VPS35L: variants seen among roughly 807,000 people sequenced by gnomAD.
VPS35L encodes the protein VPS35 endosomal protein sorting factor like, also known as VPS35 endosomal protein-sorting factor-like.
A neutral mutation model predicts 133.0 loss-of-function variants in VPS35L; 83 were observed. The observed-to-expected ratio is 0.62, with a 90% confidence interval of 0.52 to 0.75. The LOEUF is 0.75. VPS35L is among the 30% of genes least tolerant of loss of function. The probability of loss-of-function intolerance (pLI) is 0.00; values close to 1 mark genes in which losing one functional copy is unlikely to be tolerated. For missense variants in VPS35L, 1,083 were observed against 1,206.8 expected (o/e 0.90, Z 1.52); for synonymous variants, 423 against 449.9 (o/e 0.94, Z 0.76).
chr16:19,622,063 T>TGGAA (rs1408648123), intron 14 of VPS35L, among the ~76,000 whole-genome samples: 2 of 151,274 alleles, frequency 1.3e-5, no homozygotes, highest in East Asian at 3.9e-4. Context: ...CATCTTACCC[T>TGGAA]CAGTGTCTGG....
At chr16:19,583,154 TACTTA>T (rs1478951130) in intron 7 of VPS35L, among the ~76,000 whole-genome samples, 2 of 150,580 alleles carry the variant, frequency 1.3e-5, no homozygotes, top group East Asian at 1.9e-4. Context: ...GATTTTTTTT[TACTTA>T]ACTTATAGAG....
intron 23 of VPS35L, 63 bp from the exon 24 acceptor site, chr16:19,647,721 A>C: frequency 8.0e-7 from 1 of 1,254,204 alleles, no homozygotes; most frequent in African/African-American, 1.5e-5. Context: ...CAGTCATACC[A>C]TGTGCCTGCG....
chr16:19,556,577 C>G (rs940659698), intron 1 of VPS35L, among the ~76,000 whole-genome samples: 23 of 152,182 alleles, frequency 1.5e-4, no homozygotes, highest in African/African-American at 5.6e-4. Flanking sequence ...CGGGGAATCT[C>G]TCCTGCATCT....
chr16:19,576,199 A>G (rs1971533488), intron 5 of VPS35L, among the ~76,000 whole-genome samples: 2 of 150,476 alleles, frequency 1.3e-5, no homozygotes, highest in Admixed American at 6.6e-5. Flanking sequence ...AAAAACAAAG[A>G]GGTTACTAGG....
chr16:19,613,084 T>C (rs908065278), intron 12 of VPS35L, among the ~76,000 whole-genome samples: 1 of 152,152 alleles, frequency 6.6e-6, no homozygotes, highest in Admixed American at 6.5e-5. Context: ...GCAGATCACT[T>C]GAGGTCAGGA....
In VPS35L at chr16:19,641,619, A is replaced by C. The variant is rs559859435; in HGVS notation, c.1785-777A>C. Among the ~76,000 whole-genome samples the C allele has an allele frequency of 2.0e-5, 3 of 152,290 alleles. No individual in the cohort carries two copies. In the South Asian group the frequency reaches 6.2e-4, roughly 32 times the overall value. On this transcript the variant is annotated intron_variant, in intron 21 of 30. Transcript: ENST00000417362. ...TTCCTAAGGATTAATATTAATTCCT[A>C]ATTAATATGCTTGGAATAAATATAC... is the stretch of plus-strand genomic sequence containing the variant.
chr16:19,591,805 T>G lies in VPS35L; in HGVS notation c.655T>G (p.Ser219Ala). ...KIVIQCSKLLSDTSVIQFYPS... is the reference protein window; with the variant it reads ...KIVIQCSKLLADTSVIQFYPS... ...CTTTTTTTAGTGTTCAAAGCTTCTT[T>G]CAGACACCAGTGTTATTCAGTTCTA... The change falls in exon 8 of 31, where the codon TCA becomes GCA. Residue 219 changes from serine (S) to alanine (A), a missense_variant. Transcript: ENST00000417362. 6.2e-7 allele frequency: 1 copy of G among 1,612,740 alleles called. No individual in the cohort carries two copies. Among genetic ancestry groups the G allele is most frequent in the Non-Finnish European group, 8.5e-7 (1 of 1,178,864 alleles).
intron 9 of VPS35L, among the ~76,000 whole-genome samples, chr16:19,603,549 TC>T (rs1347486578): frequency 6.6e-6 from 1 of 152,160 alleles, no homozygotes; most frequent in African/African-American, 2.4e-5. Context: ...ATGTGGTTTT[TC>T]TTTGGGACCC....
At chr16:19,611,769 T>C (rs1307188102) in intron 12 of VPS35L, 1 of 151,712 alleles carries the variant, frequency 6.6e-6, no homozygotes, top group Non-Finnish European at 1.5e-5. Flanking sequence ...GCTTGAAACC[T>C]GGGGGGGATT....
At chr16:19,665,506 C>T (rs1164434729) in intron 26 of VPS35L, among the ~76,000 whole-genome samples, 1 of 152,210 alleles carries the variant, frequency 6.6e-6, no homozygotes, top group Non-Finnish European at 1.5e-5. Context: ...TTGCAAATGA[C>T]AGAATCTCCT....
At chr16:19,612,478 T>C (rs1033936132) in intron 12 of VPS35L, among the ~76,000 whole-genome samples, 6 of 152,174 alleles carry the variant, frequency 3.9e-5, no homozygotes, top group African/African-American at 1.4e-4. Context: ...GGTCTTGAAC[T>C]CCTCACTTCA....
In VPS35L at chr16:19,700,781, G is replaced by T. The variant is rs78060127; in HGVS notation, c.*305G>T. The T allele has an allele frequency of 5.7e-4, 179 of 311,566 alleles. 3 individuals are homozygous for T. The East Asian group carries it at 9.6e-3, about 17-fold the overall frequency. The allele number at this position is 311,566 out of a possible 1,614,324, so 19.3% of individuals were successfully genotyped here. ...TAGCAAGAGAGAAACAAGAATGCAA[G>T]TAACATCTTTCTTCTCTGGAAGGTG... On this transcript the variant is annotated 3_prime_UTR_variant, in exon 31 of 31. Transcript: ENST00000417362.
chr16:19,669,094 T>C (rs1241027909), intron 26 of VPS35L, 66 bp from the exon 27 acceptor site: 1 of 1,521,076 alleles, frequency 6.6e-7, no homozygotes, highest in East Asian at 2.3e-5. Context: ...TCAGGCCACG[T>C]GAAGAAGAAA....
intron 8 of VPS35L, 124 bp downstream of exon 8, chr16:19,591,998 G>A (rs1332569639): frequency 1.4e-6 from 1 of 704,844 alleles, no homozygotes; most frequent in Non-Finnish European, 2.5e-6. Flanking sequence ...TCATGGGAGA[G>A]ATCAAACCGT....
At chr16:19,631,559 T>C (rs1228799281) in intron 18 of VPS35L, among the ~76,000 whole-genome samples, 1 of 152,224 alleles carries the variant, frequency 6.6e-6, no homozygotes, top group African/African-American at 2.4e-5. Flanking sequence ...CTTGTACCCA[T>C]CAATCAGGAA....
intron 14 of VPS35L, among the ~76,000 whole-genome samples, chr16:19,621,471 A>G (rs1440120769): frequency 6.6e-6 from 1 of 152,252 alleles, no homozygotes; most frequent in African/African-American, 2.4e-5. Flanking sequence ...AACAATAACA[A>G]AAGCCTAAAA....
At chr16:19,667,184 A>C (rs55892021) in intron 26 of VPS35L, among the ~76,000 whole-genome samples, 1 of 151,456 alleles carries the variant, frequency 6.6e-6, no homozygotes, top group African/African-American at 2.4e-5. Context: ...GGCTGGTCTC[A>C]AACTCCTGAC....
chr16:19,560,657 G>A (rs1363364460), intron 1 of VPS35L, among the ~76,000 whole-genome samples: 3 of 152,034 alleles, frequency 2.0e-5, no homozygotes, highest in East Asian at 1.9e-4. Flanking sequence ...TTAGCCAGGC[G>A]TGGTGACACA....
intron 15 of VPS35L, 77 bp downstream of exon 15, chr16:19,626,300 T>TGGGTATGA: frequency 9.4e-7 from 1 of 1,068,108 alleles, no homozygotes; most frequent in Non-Finnish European, 1.4e-6. Context: ...CCTGCTTACC[T>TGGGTATGA]GGGTATGAGC....
Sources: gnomAD v4.1 joint callset for allele counts (sites outside exome capture counted in the v4.1 genomes callset) on GRCh38, gnomAD v4.1.1 for gene constraint, MANE v1.5 for transcripts, NCBI Gene and HGNC (gene_info 2026-07-23, HGNC 2026-07-21) for gene names.